Variants in TMEM209 observed in about 807,000 individuals in gnomAD.
The protein encoded by TMEM209 is transmembrane protein 209, also known as testicular tissue protein Li 202.
Under a neutral mutation model 76.2 loss-of-function variants are expected in TMEM209, and 65 were observed. The observed-to-expected ratio is 0.85, with a 90% CI of 0.70 to 1.05. The LOEUF (loss-of-function observed/expected upper bound fraction) is 1.05, where lower values mean the gene tolerates loss of function less well. TMEM209 is among the 50% of genes least tolerant of loss of function. The pLI is 0.00. For missense variants in TMEM209, 623 were observed against 685.5 expected (o/e 0.91, Z 1.02); for synonymous variants, 239 against 237.6 (o/e 1.01, Z -0.06).
intron 8 of TMEM209, among the ~76,000 whole-genome samples, chr7:130,182,524 T>C (rs560833448): frequency 6.6e-6 from 1 of 152,340 alleles, no homozygotes; most frequent in Middle Eastern, 3.4e-3. Context: ...AGAGACTTAT[T>C]ACATTTGAAA....
At position 130,165,656 on chromosome 7, in the gene TMEM209, G is replaced by C. The variant is rs1269626919; in HGVS notation, c.*795C>G. On this transcript the variant is annotated 3_prime_UTR_variant, in exon 15 of 15. Transcript: ENST00000397622. ...ACTTAAGAGTTAATCTCATTTCTTT[G>C]AATGTGGGCTTTGGCCTAACTTGCA... 6.8e-6 allele frequency: 1 copy of C among 147,582 alleles called. No individual in the cohort carries two copies. Among genetic ancestry groups the C allele is most frequent in the African/African-American group, 2.5e-5 (1 of 39,810 alleles). The allele number at this position is 147,582 out of a possible 1,614,324, so 9.1% of individuals were successfully genotyped here.
At chr7:130,181,273 C>G (rs1797403639) in intron 9 of TMEM209, among the ~76,000 whole-genome samples, 1 of 152,162 alleles carries the variant, frequency 6.6e-6, no homozygotes, top group South Asian at 2.1e-4. Flanking sequence ...TCTATAGAGA[C>G]AGAAAATAGA....
rs1284544909 is a variant in TMEM209, at chr7:130,181,692, G to C, written c.1051C>G (p.Leu351Val). The change falls in exon 9 of 15, where the codon CTT (leucine) becomes GTT (valine). Residue 351 changes from leucine to valine, a missense_variant. Coordinates refer to ENST00000397622, the MANE Select transcript of TMEM209 (RefSeq NM_032842.4). ...CTGACAGACTCAATCTCTTGAACAA[G>C]TGGCACTAATATTGTCTCATTGATC... ...NWINETILVP[L>V]VQEIESVSTQ... is the part of the protein sequence containing the mutation. The C allele has an allele frequency of 2.6e-5, 42 of 1,610,790 alleles. No homozygotes were observed. Among genetic ancestry groups the C allele is most frequent in the Non-Finnish European group, 3.5e-5 (41 of 1,178,612 alleles).
At chr7:130,203,395 T>C (rs1302944037) in intron 3 of TMEM209, among the ~76,000 whole-genome samples, 3 of 152,062 alleles carry the variant, frequency 2.0e-5, no homozygotes, top group African/African-American at 7.2e-5. Context: ...CCAATGACTA[T>C]GGAAGAGCAG....
intron 1 of TMEM209, among the ~76,000 whole-genome samples, chr7:130,204,535 T>A (rs1007624219): frequency 1.4e-4 from 22 of 152,112 alleles, no homozygotes; most frequent in Non-Finnish European, 2.4e-4. Context: ...AGAGACGGGA[T>A]TTCAACATTT....
At chr7:130,190,603 A>G (rs1018242509) in intron 6 of TMEM209, among the ~76,000 whole-genome samples, 9 of 152,074 alleles carry the variant, frequency 5.9e-5, no homozygotes, top group African/African-American at 2.2e-4. Flanking sequence ...ATGTTAAAGG[A>G]ATAAACATAG....
intron 8 of TMEM209, among the ~76,000 whole-genome samples, chr7:130,183,584 G>A (rs1449395594): frequency 6.6e-6 from 1 of 152,206 alleles, no homozygotes; most frequent in Non-Finnish European, 1.5e-5. Flanking sequence ...CCCCTTCAGA[G>A]CTAAGTGGAG....
At chr7:130,203,156 C>T (rs549328852) in intron 3 of TMEM209, among the ~76,000 whole-genome samples, 14 of 151,972 alleles carry the variant, frequency 9.2e-5, no homozygotes, top group Non-Finnish European at 2.1e-4. Context: ...TCCTAGCAAC[C>T]CTGTACAATA....
chr7:130,204,969 A>T, intron 1 of TMEM209: 1 of 1,105,284 alleles, frequency 9.0e-7, no homozygotes, highest in African/African-American at 1.6e-5. Flanking sequence ...GCACGTACTT[A>T]TGATGGGGTG....
intron 5 of TMEM209, among the ~76,000 whole-genome samples, chr7:130,201,172 C>T (rs1184162863): frequency 6.6e-6 from 1 of 150,568 alleles, no homozygotes; most frequent in East Asian, 2.0e-4. Flanking sequence ...CCAGAGACTC[C>T]TCTTTTAACT....
intron 6 of TMEM209, 185 bp downstream of exon 6, chr7:130,192,437 T>C (rs1797828648): frequency 1.7e-6 from 1 of 576,428 alleles, no homozygotes; most frequent in South Asian, 2.3e-5. Context: ...TTAGTTTAGC[T>C]ATATTTCACT....
chr7:130,199,748 ACTT>A (rs1404653949), intron 5 of TMEM209: 2 of 152,184 alleles, frequency 1.3e-5, no homozygotes, highest in African/African-American at 2.4e-5. Context: ...TGGTGGTGTC[ACTT>A]CTTTTGTACA....
chr7:130,180,771 A>G (rs544682001), intron 9 of TMEM209, among the ~76,000 whole-genome samples: 4 of 152,368 alleles, frequency 2.6e-5, no homozygotes, highest in South Asian at 4.1e-4. Context: ...AAAATGAGAC[A>G]TCATTTCACG....
chr7:130,179,960 T>C (rs955990795), intron 9 of TMEM209, among the ~76,000 whole-genome samples: 2 of 152,202 alleles, frequency 1.3e-5, no homozygotes, highest in African/African-American at 2.4e-5. Context: ...AGCGAGACTC[T>C]GTCTAGAAAA....
intron 10 of TMEM209, 52 bp downstream of exon 10, chr7:130,178,349 AT>A: frequency 6.7e-7 from 1 of 1,496,946 alleles, no homozygotes. Flanking sequence ...CACTGATAAA[AT>A]TCCAGCATAG....
chr7:130,182,459 C>T (rs1272776718), intron 8 of TMEM209, among the ~76,000 whole-genome samples: 2 of 152,136 alleles, frequency 1.3e-5, no homozygotes, highest in African/African-American at 4.8e-5. Context: ...TTCAAACTAA[C>T]ATAACTGCCT....
Position 130,190,996 on chromosome 7 carries a change from T to C in TMEM209, c.775+1626A>G, listed in dbSNP as rs548759787. ...CCTAGTCTCAAAAAAAAAAAAAAAG[T>C]TTGATGGGGACCAAATAACTATATA... is the stretch of plus-strand genomic sequence containing the variant. On this transcript the variant is annotated intron_variant, in intron 6 of 14. Coordinates refer to ENST00000397622, the MANE Select transcript of TMEM209 (RefSeq NM_032842.4). Among the ~76,000 whole-genome samples, 4 of 151,072 alleles carry C rather than the reference T, an allele frequency of 2.6e-5. No individual in the cohort carries two copies. In the East Asian group the frequency reaches 7.8e-4, roughly 29 times the overall value.
chr7:130,200,308 T>C (rs1562899167), intron 5 of TMEM209, among the ~76,000 whole-genome samples: 1 of 152,192 alleles, frequency 6.6e-6, no homozygotes, highest in African/African-American at 2.4e-5. Flanking sequence ...GATAGACTAT[T>C]GTCATGTTTC....
intron 5 of TMEM209, among the ~76,000 whole-genome samples, chr7:130,193,881 GC>G (rs1797881608): frequency 6.7e-6 from 1 of 149,746 alleles, no homozygotes; most frequent in Admixed American, 6.7e-5. Context: ...ACGTGTCAAT[GC>G]AGGTTCATCA....
Sources: gnomAD v4.1 joint callset for allele counts (sites outside exome capture counted in the v4.1 genomes callset) on GRCh38, gnomAD v4.1.1 for gene constraint, MANE v1.5 for transcripts, NCBI Gene and HGNC (gene_info 2026-07-23, HGNC 2026-07-21) for gene names.